SH3RF2: variants seen among roughly 807,000 people sequenced by gnomAD.
SH3RF2 encodes the protein SH3 domain containing ring finger 2.
A neutral mutation model predicts 59.0 loss-of-function variants in SH3RF2; 43 were observed. That is an observed-to-expected ratio of 0.73 (90% CI 0.57 to 0.94). The LOEUF is 0.94. SH3RF2 is among the 40% of genes least tolerant of loss of function. The probability of loss-of-function intolerance (pLI) is 0.00; values close to 1 mark genes in which losing one functional copy is unlikely to be tolerated. For synonymous variants in SH3RF2, 391 were observed against 391.5 expected, an observed-to-expected ratio of 1.00 and a Z score of 0.01; for missense variants, 930 against 940.1, an observed-to-expected ratio of 0.99 and a Z score of 0.14.
At chr5:146,071,130 C>A (rs1763228083) in intron 9 of SH3RF2, among the ~76,000 whole-genome samples, 1 of 152,110 alleles carries the variant, frequency 6.6e-6, no homozygotes, top group Non-Finnish European at 1.5e-5. Flanking sequence ...TTCAGGAGAC[C>A]CTCACAAATA....
intron 7 of SH3RF2, 62 bp downstream of exon 7, chr5:146,049,307 T>C (rs1762413188): frequency 1.3e-6 from 2 of 1,524,760 alleles, no homozygotes; most frequent in Non-Finnish European, 1.8e-6. Flanking sequence ...GGGCCATCTG[T>C]GGGTTGAACT....
At chr5:145,946,555 G>T (rs1314863764) in intron 2 of SH3RF2, among the ~76,000 whole-genome samples, 1 of 152,166 alleles carries the variant, frequency 6.6e-6, no homozygotes, top group African/African-American at 2.4e-5. Context: ...GTCATGTGGT[G>T]ACTGAAACAT....
In SH3RF2 at chr5:145,959,948, A is replaced by T. The variant is rs144088367; in HGVS notation, c.378+21642A>T. On this transcript the variant is annotated intron_variant, in intron 2 of 9. Transcript: ENST00000359120. ...CCAATTCAAAATTCAAGTCAGGTAC[A>T]TGTAATTAACAAAACCTAGATCCCT... is the stretch of plus-strand genomic sequence containing the variant. 6.9e-3 allele frequency among the ~76,000 whole-genome samples: 1,056 copies of T among 152,300 alleles called. 16 individuals carry two copies. Among genetic ancestry groups the T allele is most frequent in the African/African-American group, 0.024 (1,011 of 41,558 alleles).
intron 2 of SH3RF2, among the ~76,000 whole-genome samples, chr5:145,968,861 C>G (rs886560207): frequency 6.6e-6 from 1 of 152,110 alleles, no homozygotes; most frequent in Non-Finnish European, 1.5e-5. Context: ...ACTATGGACA[C>G]AGGTTGTCTT....
At chr5:146,061,586 T>G (rs1762894409) in intron 9 of SH3RF2, among the ~76,000 whole-genome samples, 1 of 152,124 alleles carries the variant, frequency 6.6e-6, no homozygotes, top group Admixed American at 6.5e-5. Context: ...AAGACATCAT[T>G]CCTGAGCAGT....
At chr5:146,038,392 A>C (rs185062088) in intron 5 of SH3RF2, among the ~76,000 whole-genome samples, 1 of 152,338 alleles carries the variant, frequency 6.6e-6, no homozygotes, top group Admixed American at 6.5e-5. Context: ...TATAACTGTC[A>C]TTATTTGCAG....
intron 9 of SH3RF2, 22 bp downstream of exon 9, chr5:146,060,246 G>T: frequency 6.4e-7 from 1 of 1,571,004 alleles, no homozygotes; most frequent in South Asian, 1.2e-5. Flanking sequence ...GTGACATTGG[G>T]GGCCCAACTC....
chr5:145,965,011 G>A (rs1001468902), intron 2 of SH3RF2, among the ~76,000 whole-genome samples: 1 of 151,966 alleles, frequency 6.6e-6, no homozygotes, highest in Non-Finnish European at 1.5e-5. Context: ...TGCGCAACAC[G>A]GTGAAACCCC....
chr5:146,021,707 CCTCT>C lies in SH3RF2; in HGVS notation c.1059+7653_1059+7656del, dbSNP rs146394445. ...CAAGAAAGGACCAGAAGGCCTCCCA[CCTCT>C]CTCTCTATTTTGCCAGAGCCCCCTG... On this transcript the variant is annotated intron_variant, in intron 5 of 9. Coordinates refer to ENST00000359120, the MANE Select transcript of SH3RF2 (RefSeq NM_152550.4). Among the ~76,000 whole-genome samples, 817 of 152,288 alleles carry C rather than the reference CCTCT, an allele frequency of 5.4e-3. 7 individuals carry two copies. Among genetic ancestry groups the C allele is most frequent in the South Asian group, 0.011 (55 of 4,822 alleles).
intron 4 of SH3RF2, among the ~76,000 whole-genome samples, chr5:146,007,717 T>C (rs537041208): frequency 1.3e-5 from 2 of 152,138 alleles, no homozygotes; most frequent in African/African-American, 4.8e-5. Flanking sequence ...CCTCTAAAAT[T>C]AGCGAGTACA....
At chr5:145,965,765 C>T (rs956141199) in intron 2 of SH3RF2, among the ~76,000 whole-genome samples, 1 of 152,144 alleles carries the variant, frequency 6.6e-6, no homozygotes, top group Non-Finnish European at 1.5e-5. Flanking sequence ...TAGGCACTCT[C>T]ATAGAATGTG....
intron 9 of SH3RF2, 85 bp downstream of exon 9, chr5:146,060,309 G>GC: frequency 7.7e-7 from 1 of 1,299,660 alleles, no homozygotes; most frequent in Non-Finnish European, 1.0e-6. Flanking sequence ...TAGTGTTGGT[G>GC]AACAAGGAAC....
chr5:146,072,425 C>G (rs561122068), intron 9 of SH3RF2, among the ~76,000 whole-genome samples: 1 of 152,288 alleles, frequency 6.6e-6, no homozygotes, highest in Admixed American at 6.5e-5. Context: ...GTAATTCCAG[C>G]ACTTTGGGAG....
At chr5:145,962,030 C>T (rs73310182) in intron 2 of SH3RF2, among the ~76,000 whole-genome samples, 5,718 of 152,260 alleles carry the variant, frequency 0.038, 355 homozygotes, top group African/African-American at 0.13. Context: ...CCAAAGCCTA[C>T]ATCATTCTTT....
At chr5:146,038,366 C>G (rs887313522) in intron 5 of SH3RF2, among the ~76,000 whole-genome samples, 1 of 152,050 alleles carries the variant, frequency 6.6e-6, no homozygotes, top group Non-Finnish European at 1.5e-5. Context: ...AAGGTTAAGT[C>G]TTTGAAAGGA....
At chr5:146,080,254 CT>C (rs1763401200) in exon 10 of SH3RF2, 1 of 151,862 alleles carries the variant, frequency 6.6e-6, no homozygotes, top group Non-Finnish European at 1.5e-5. Context: ...TATTATTACA[CT>C]TTGGGTCGGG....
chr5:145,939,983 G>A (rs1350751430), intron 2 of SH3RF2, among the ~76,000 whole-genome samples: 62 of 152,182 alleles, frequency 4.1e-4, no homozygotes, highest in Admixed American at 6.5e-5. Context: ...GACAGGTAGC[G>A]ATGAATGGAT....
Position 145,996,066 on chromosome 5 carries a change from C to T in SH3RF2, c.379-3992C>T, listed in dbSNP as rs373975487. Among the ~76,000 whole-genome samples, 22 of 152,290 alleles carry T rather than the reference C, an allele frequency of 1.4e-4. 3 individuals carry two copies. The highest frequency in any genetic ancestry group is 5.1e-4 in the African/African-American group (21 of 41,568). ...GCTGTGTTCCTGTGGTTTTTTCACC[C>T]CTGGGGTCTCCTTACTTATCTGGGG... On this transcript the variant is annotated intron_variant, in intron 2 of 9. Coordinates refer to ENST00000359120, the MANE Select transcript of SH3RF2 (RefSeq NM_152550.4).
In SH3RF2 at chr5:145,964,232, T is replaced by C. The variant is rs149440544; in HGVS notation, c.378+25926T>C. On this transcript the variant is annotated intron_variant, in intron 2 of 9. Transcript: ENST00000359120. ...TCCTTCCTCCCTTCCTTCTTTCTTT[T>C]CTTTCTTTCTTCTTTCTCTTTCTTT... 7.2e-3 allele frequency among the ~76,000 whole-genome samples: 1,090 copies of C among 151,436 alleles called. 3 individuals are homozygous for C. The highest frequency in any genetic ancestry group is 0.024 in the Middle Eastern group (7 of 292).
Sources: allele counts gnomAD v4.1 joint callset (sites outside exome capture counted in the v4.1 genomes callset), GRCh38; gene constraint gnomAD v4.1.1; transcripts MANE v1.5; gene names NCBI Gene and HGNC (gene_info 2026-07-23, HGNC 2026-07-21).